The following MARCO variants were observed in gnomAD, a reference collection of about 807,000 sequenced individuals.
MARCO encodes macrophage receptor with collagenous structure, also known as macrophage receptor MARCO.
Under a neutral mutation model 70.0 loss-of-function variants are expected in MARCO, and 72 were observed. The observed-to-expected ratio is 1.03, with a 90% confidence interval of 0.85 to 1.25. The LOEUF (loss-of-function observed/expected upper bound fraction) is 1.25, where lower values mean the gene tolerates loss of function less well. MARCO is among the 50% of genes most tolerant of loss of function. MARCO has a pLI of 0.00. For missense variants in MARCO, 696 were observed against 659.3 expected, an observed-to-expected ratio of 1.06 and a Z score of -0.61; for synonymous variants, 273 against 243.1, an observed-to-expected ratio of 1.12 and a Z score of -1.14.
At chr2:118,967,747 C>A (rs1680080040) in intron 1 of MARCO, among the ~76,000 whole-genome samples, 2 of 152,170 alleles carry the variant, frequency 1.3e-5, no homozygotes, top group Admixed American at 6.5e-5. Flanking sequence ...AACACAGGAG[C>A]TGCAGGTGAT....
At chr2:118,963,032 G>A (rs1679978422) in intron 1 of MARCO, among the ~76,000 whole-genome samples, 1 of 151,436 alleles carries the variant, frequency 6.6e-6, no homozygotes, top group Admixed American at 6.6e-5. Flanking sequence ...CAATTTTATT[G>A]ACTTTGTTCA....
chr2:118,973,916 A>G (rs1680224324), intron 4 of MARCO, among the ~76,000 whole-genome samples: 1 of 152,198 alleles, frequency 6.6e-6, no homozygotes, highest in Non-Finnish European at 1.5e-5. Context: ...CCAGACATGA[A>G]GAAGACAGAC....
At chr2:118,944,666 A>G (rs200309797) in intron 1 of MARCO, 8 of 124,782 alleles carry the variant, frequency 6.4e-5, no homozygotes, top group African/African-American at 2.0e-4. Context: ...GTTTTTTTTT[A>G]TTATTATTAC....
intron 8 of MARCO, 51 bp downstream of exon 8, chr2:118,977,986 T>A: frequency 1.1e-5 from 13 of 1,158,282 alleles, no homozygotes; most frequent in East Asian, 2.5e-5. Context: ...CTGAGGGAAC[T>A]AGGGCCTGAC....
At chr2:118,950,673 AT>A (rs1163503337) in intron 1 of MARCO, among the ~76,000 whole-genome samples, 1 of 152,190 alleles carries the variant, frequency 6.6e-6, no homozygotes, top group Non-Finnish European at 1.5e-5. Flanking sequence ...TTTACAGACA[AT>A]TCTTCGACAT....
At chr2:118,976,618 G>A (rs551773405) in intron 6 of MARCO, among the ~76,000 whole-genome samples, 4 of 152,224 alleles carry the variant, frequency 2.6e-5, no homozygotes, top group South Asian at 2.1e-4. Flanking sequence ...GGGAATCACC[G>A]TTTCTCAATT....
intron 12 of MARCO, 103 bp from the exon 13 acceptor site, chr2:118,990,486 T>C: frequency 9.1e-7 from 1 of 1,095,516 alleles, no homozygotes; most frequent in South Asian, 1.4e-5. Flanking sequence ...TATCTTTCCA[T>C]CTGCATTAAT....
intron 12 of MARCO, among the ~76,000 whole-genome samples, chr2:118,987,044 A>G (rs1680531118): frequency 6.6e-6 from 1 of 152,218 alleles, no homozygotes; most frequent in African/African-American, 2.4e-5. Context: ...AGCAGGAACA[A>G]TTGAAGACTT....
chr2:118,945,940 C>T (rs1679589426), intron 1 of MARCO, among the ~76,000 whole-genome samples: 1 of 152,166 alleles, frequency 6.6e-6, no homozygotes, highest in African/African-American at 2.4e-5. Context: ...CAACAAAACC[C>T]AAACCCTCAA....
intron 1 of MARCO, 36 bp downstream of exon 1, chr2:118,942,433 A>C (rs1157405085): frequency 6.7e-7 from 1 of 1,483,462 alleles, no homozygotes; most frequent in Non-Finnish European, 9.4e-7. Flanking sequence ...AAATGACCAG[A>C]AATGTAGTCT....
intron 6 of MARCO, 63 bp from the exon 7 acceptor site, chr2:118,977,408 G>A (rs946667432): frequency 5.3e-6 from 7 of 1,316,794 alleles, no homozygotes; most frequent in Non-Finnish European, 7.7e-6. Context: ...AATGTCAGCT[G>A]ATTAAAGACA....
In MARCO at chr2:118,982,428, G is replaced by T; in HGVS notation, c.1063+18G>T. 2 of 1,612,868 alleles carry T rather than the reference G, an allele frequency of 1.2e-6. No individual in the cohort carries two copies. Among genetic ancestry groups the T allele is most frequent in the South Asian group, 2.2e-5 (2 of 91,054 alleles). ...GGACACAGGTAACAGAGGGTGCAGT[G>T]GGTGAGTAGGTGGGCTTGCTGGGTG... is the stretch of plus-strand genomic sequence containing the variant. On this transcript the variant is annotated intron_variant, in intron 12 of 16. Transcript: ENST00000327097.
At chr2:118,986,728 A>AAGAAAGAAAGAAAGAAAGAAAGAGAAAAG (rs1680522616) in intron 12 of MARCO, among the ~76,000 whole-genome samples, 1 of 100,218 alleles carries the variant, frequency 1.0e-5, no homozygotes, top group Non-Finnish European at 2.0e-5. Context: ...AAAGAAAAGA[A>AAGAAAGAAAGAAAGAAAGAAAGAGAAAAG]AGAAAGAAAG....
chr2:118,946,986 C>T (rs902604015), intron 1 of MARCO, among the ~76,000 whole-genome samples: 1 of 152,042 alleles, frequency 6.6e-6, no homozygotes, highest in Non-Finnish European at 1.5e-5. Context: ...CTCTTTGTGT[C>T]TTTTGCCCAT....
At chr2:118,946,165 C>T (rs1246297739) in intron 1 of MARCO, among the ~76,000 whole-genome samples, 3 of 152,136 alleles carry the variant, frequency 2.0e-5, no homozygotes, top group African/African-American at 7.2e-5. Context: ...CTCATTCTCC[C>T]CCAGTGGTAA....
rs1304820312 is a variant in MARCO, at chr2:118,993,171, C to T, written c.1300C>T (p.Arg434Trp). ...GATTGTCGGCAGTAGTAACCGAGGC[C>T]GGGCTGAAGTTTACTACAGTGGTAC... ...VRIVGSSNRGRAEVYYSGTWG... is the reference protein window; with the variant it reads ...VRIVGSSNRGWAEVYYSGTWG... The change falls in exon 16 of 17, where the codon CGG becomes TGG. Residue 434 changes from arginine to tryptophan, a missense_variant. This residue lies in a region of MARCO where 33 missense variants were observed against 59.6 expected (regional missense o/e 0.55). Coordinates refer to ENST00000327097, the MANE Select transcript of MARCO (RefSeq NM_006770.4). The T allele has an allele frequency of 3.7e-6, 6 of 1,614,060 alleles. No homozygotes were observed. Among genetic ancestry groups the T allele is most frequent in the Non-Finnish European group, 4.2e-6 (5 of 1,180,044 alleles).
intron 4 of MARCO, among the ~76,000 whole-genome samples, chr2:118,971,964 G>C (rs750544651): frequency 6.6e-6 from 1 of 152,220 alleles, no homozygotes; most frequent in East Asian, 1.9e-4. Flanking sequence ...GTAATGATGG[G>C]AGGCAGGTGT....
rs773292684 is a variant in MARCO, at chr2:118,970,081, G to A, written c.200-33G>A. ...GTCAGGGATATGCTCAAATGCCTCA[G>A]TCCCTAAAAGAATGCTGTGGGGTGG... is the stretch of plus-strand genomic sequence containing the variant. On this transcript the variant is annotated intron_variant, in intron 2 of 16. Coordinates refer to ENST00000327097, the MANE Select transcript of MARCO (RefSeq NM_006770.4). 18 of 1,558,770 alleles carry A rather than the reference G, an allele frequency of 1.2e-5. No homozygotes were observed. The African/African-American group carries it at 2.0e-4, about 18-fold the overall frequency.
chr2:118,946,277 A>C (rs1204703400), intron 1 of MARCO, among the ~76,000 whole-genome samples: 1 of 152,168 alleles, frequency 6.6e-6, no homozygotes, highest in Non-Finnish European at 1.5e-5. Context: ...CTCTGTGTAC[A>C]TATATAGTTG....
Sources: allele counts gnomAD v4.1 joint callset (sites outside exome capture counted in the v4.1 genomes callset), GRCh38; gene constraint gnomAD v4.1.1; regional missense constraint gnomAD v4.1.1; transcripts MANE v1.5; gene names NCBI Gene and HGNC (gene_info 2026-07-23, HGNC 2026-07-21).